The following ANKRD46 variants were observed in gnomAD, a reference collection of about 807,000 sequenced individuals.
The protein encoded by ANKRD46 is ankyrin repeat domain-containing protein 46.
Under a neutral mutation model 19.8 loss-of-function variants are expected in ANKRD46, and 13 were observed. The ratio of observed to expected loss-of-function variants is 0.66; its 90% confidence interval spans 0.43 to 1.04. The LOEUF (loss-of-function observed/expected upper bound fraction) is 1.04. Among genes scored for constraint, ANKRD46 ranks in the 50% least tolerant of loss-of-function variants. The pLI is 0.00. For missense variants in ANKRD46, 185 were observed against 274.8 expected, an observed-to-expected ratio of 0.67 and a Z score of 2.31; for synonymous variants, 91 against 106.9, an observed-to-expected ratio of 0.85 and a Z score of 0.92.
rs1320061375 is a variant in ANKRD46, at chr8:100,534,828, G to A, written c.-130-1517C>T. Among the ~76,000 whole-genome samples, 1 of 152,148 alleles carries A rather than the reference G, an allele frequency of 6.6e-6. No homozygotes were observed. The highest frequency in any genetic ancestry group is 1.5e-5 in the Non-Finnish European group (1 of 68,030). On this transcript the variant is annotated intron_variant, in intron 1 of 4. Coordinates refer to ENST00000335659, the MANE Select transcript of ANKRD46 (RefSeq NM_001270377.2). The surrounding 1 kb of genome is among the most constrained non-coding windows in gnomAD (Gnocchi z 4.2). Reference sequence around the variant, plus strand: ...TCTGTCGCTGGTGCCGGAGTGCAGTGGTGCAATCTCGACTCACCTGCAGAG... The same window carrying A: ...TCTGTCGCTGGTGCCGGAGTGCAGTAGTGCAATCTCGACTCACCTGCAGAG...
downstream of ANKRD46, among the ~76,000 whole-genome samples, chr8:100,515,874 G>T (rs372920703): frequency 0.063 from 8,754 of 139,656 alleles, 399 homozygotes; most frequent in East Asian, 0.15. Flanking sequence ...ACTTGTTTTT[G>T]TTTTTTTTTT....
rs1369319340 is a variant in ANKRD46 at position 100,522,239 on chromosome 8, C to T, written c.*316G>A. ...CTATATTAGGATAAGGTTTTGATAGCAAGGACTTCCTAGCTTCTTCCTTTA... is the reference window on the plus strand; with the variant it reads ...CTATATTAGGATAAGGTTTTGATAGTAAGGACTTCCTAGCTTCTTCCTTTA... On this transcript the variant is annotated 3_prime_UTR_variant, in exon 5 of 5. Transcript: ENST00000335659. The T allele has an allele frequency of 4.5e-6, 5 of 1,112,764 alleles. No individual in the cohort carries two copies. The African/African-American group carries it at 8.0e-5, about 18-fold the overall frequency. 68.9% of individuals were successfully genotyped at this position (1,112,764 alleles called of 1,614,324 possible).
chr8:100,541,503 G>A (rs1419942645), intron 1 of ANKRD46, among the ~76,000 whole-genome samples: 1 of 152,184 alleles, frequency 6.6e-6, no homozygotes, highest in Non-Finnish European at 1.5e-5. Flanking sequence ...GAACAACACA[G>A]AGTGTCCTCA....
rs761275944 is a variant in ANKRD46 at position 100,521,287 on chromosome 8, C to T, written c.*1268G>A. 25 of 985,164 alleles carry T rather than the reference C, an allele frequency of 2.5e-5. 1 individual carries two copies. The highest frequency in any genetic ancestry group is 5.2e-4 in the Middle Eastern group (1 of 1,936). The allele number at this position is 985,164 out of a possible 1,614,324, so 61.0% of individuals were successfully genotyped here. On this transcript the variant is annotated 3_prime_UTR_variant, in exon 5 of 5. Coordinates refer to ENST00000335659, the MANE Select transcript of ANKRD46 (RefSeq NM_001270377.2). ...AATTCAATTAGCAATAGCTTAGGTG[C>T]CTTTATTCCAAAAAACAAAACCATT...
At chr8:100,518,126 G>C (rs1330445713), downstream of ANKRD46, among the ~76,000 whole-genome samples, 1 of 152,174 alleles carries the variant, frequency 6.6e-6, no homozygotes, top group African/African-American at 2.4e-5. Context: ...GGAAGGCGGA[G>C]GTTGTAGTGA....
In ANKRD46 at chr8:100,524,425, A is replaced by T. The variant is rs1811794114; in HGVS notation, c.471-1654T>A. Among the ~76,000 whole-genome samples the T allele has an allele frequency of 6.6e-6, 1 of 152,146 alleles. No individual in the cohort carries two copies. The highest frequency in any genetic ancestry group is 1.5e-5 in the Non-Finnish European group (1 of 68,022). On this transcript the variant is annotated intron_variant, in intron 4 of 4. Coordinates refer to ENST00000335659, the MANE Select transcript of ANKRD46 (RefSeq NM_001270377.2). The surrounding 1 kb of genome is among the most constrained non-coding windows in gnomAD (Gnocchi z 4.3). The stretch of plus-strand genomic sequence containing the variant: ...TGATACCATCAAACAAAAGTCCTTC[A>T]GCCTTTACCAACATTAGAGGTCTTC...
At position 100,521,204 on chromosome 8, in the gene ANKRD46, A is replaced by G. The variant is rs918774345; in HGVS notation, c.*1351T>C. The G allele has an allele frequency of 1.0e-6, 1 of 985,254 alleles. No homozygotes were observed. Among genetic ancestry groups the G allele is most frequent in the Non-Finnish European group, 1.2e-6 (1 of 829,902 alleles). 61.0% of individuals were successfully genotyped at this position (985,254 alleles called of 1,614,324 possible). Reference sequence around the variant, plus strand: ...GATACAAGAGAAAATACCAAGAAGCAAAAAGAATCACAGAAATACCAATTC... The same window carrying G: ...GATACAAGAGAAAATACCAAGAAGCGAAAAGAATCACAGAAATACCAATTC... On this transcript the variant is annotated 3_prime_UTR_variant, in exon 5 of 5. Transcript: ENST00000335659.
At chr8:100,513,538 T>C (rs1230245379) in intron 5 of ANKRD46, among the ~76,000 whole-genome samples, 1 of 152,200 alleles carries the variant, frequency 6.6e-6, no homozygotes, top group Non-Finnish European at 1.5e-5. Context: ...AAGTTGGGAT[T>C]TGTTGGCTCC....
At chr8:100,538,631 G>A (rs1412572369) in intron 1 of ANKRD46, among the ~76,000 whole-genome samples, 1 of 152,078 alleles carries the variant, frequency 6.6e-6, no homozygotes, top group Non-Finnish European at 1.5e-5. Flanking sequence ...TCTTCAAACA[G>A]AATTACAGGC....
At chr8:100,553,220 T>C (rs1010513665) in intron 1 of ANKRD46, among the ~76,000 whole-genome samples, 3 of 152,220 alleles carry the variant, frequency 2.0e-5, no homozygotes, top group African/African-American at 7.2e-5. Flanking sequence ...GGAAAACTTT[T>C]ATAAGCAATC....
intron 1 of ANKRD46, among the ~76,000 whole-genome samples, chr8:100,549,980 T>G (rs186606602): frequency 6.6e-6 from 1 of 152,202 alleles, no homozygotes. Context: ...TAATACGTGT[T>G]TTCTGTATCT....
At chr8:100,522,892 CACACACACACACAT>C (rs1462122128) in intron 4 of ANKRD46, 121 bp from the exon 5 acceptor site, 2 of 572,806 alleles carry the variant, frequency 3.5e-6, no homozygotes, top group African/African-American at 2.8e-5. Flanking sequence ...CACACACACA[CACACACACACACAT>C]ATATATATAT....
At chr8:100,518,700 A>G (rs6996671), downstream of ANKRD46, among the ~76,000 whole-genome samples, 1 of 151,710 alleles carries the variant, frequency 6.6e-6, no homozygotes, top group South Asian at 2.1e-4. Context: ...AAAATACAAA[A>G]AATTAGCTGG....
downstream of ANKRD46, among the ~76,000 whole-genome samples, chr8:100,516,030 GCC>G (rs1811626085): frequency 6.6e-6 from 1 of 152,104 alleles, no homozygotes; most frequent in South Asian, 2.1e-4. Context: ...GCGCCACCAT[GCC>G]CAGCTAATTT....
rs1413563789 is a variant in ANKRD46, at chr8:100,521,412, A to G, written c.*1143T>C. On this transcript the variant is annotated 3_prime_UTR_variant, in exon 5 of 5. Transcript: ENST00000335659. ...AAGAACATAATTCATACATTACAGA[A>G]TCATTAACAAAAGAGGCCTTCAAAC... The G allele has an allele frequency of 1.0e-6, 1 of 985,314 alleles. No individual in the cohort carries two copies. The highest frequency in any genetic ancestry group is 1.7e-5 in the African/African-American group (1 of 57,242). The allele number at this position is 985,314 out of a possible 1,614,324, so 61.0% of individuals were successfully genotyped here.
intron 4 of ANKRD46, 27 bp from the exon 5 acceptor site, chr8:100,522,798 G>A (rs761348378): frequency 1.3e-6 from 2 of 1,569,768 alleles, no homozygotes; most frequent in East Asian, 2.3e-5. Context: ...AGCAAAAAGG[G>A]CATTAAAAAA....
rs36068309 is a variant in ANKRD46 at position 100,524,503 on chromosome 8, C to CTT, written c.471-1734_471-1733dup. On this transcript the variant is annotated intron_variant, in intron 4 of 4. Coordinates refer to ENST00000335659, the MANE Select transcript of ANKRD46 (RefSeq NM_001270377.2). The surrounding 1 kb of genome is among the most constrained non-coding windows in gnomAD (Gnocchi z 4.3). Reference sequence around the variant, plus strand: ...TGGGCCAGTCTGCTTAACACCCAAACTTTTTTTTTTTTAATAATTAAAACA... The same window carrying CTT: ...TGGGCCAGTCTGCTTAACACCCAAACTTTTTTTTTTTTTTAATAATTAAAACA... 4.8e-3 allele frequency among the ~76,000 whole-genome samples: 706 copies of CTT among 148,542 alleles called. 4 individuals carry two copies. Among genetic ancestry groups the CTT allele is most frequent in the East Asian group, 0.028 (143 of 5,094 alleles).
Position 100,559,637 on chromosome 8 carries a change from G to C in ANKRD46, c.-131+74C>G, listed in dbSNP as rs942903123. On this transcript the variant is annotated intron_variant, in intron 1 of 4. Coordinates refer to ENST00000335659, the MANE Select transcript of ANKRD46 (RefSeq NM_001270377.2). The surrounding 1 kb of genome is among the most constrained non-coding windows in gnomAD (Gnocchi z 6.0). ...CCCGGCCAGGCCTACTGGACCTCCA[G>C]TGCTACAGGGACGGTGCAGGAGATA... 1 of 152,480 alleles carries C rather than the reference G, an allele frequency of 6.6e-6. No individual in the cohort carries two copies. The highest frequency in any genetic ancestry group is 1.5e-5 in the Non-Finnish European group (1 of 68,222). The allele number at this position is 152,480 out of a possible 1,614,324, so 9.4% of individuals were successfully genotyped here.
rs1812270426 is a variant in ANKRD46 at position 100,546,222 on chromosome 8, A to G, written c.-130-12911T>C. 6.6e-6 allele frequency among the ~76,000 whole-genome samples: 1 copy of G among 152,372 alleles called. No individual in the cohort carries two copies. The highest frequency in any genetic ancestry group is 1.5e-5 in the Non-Finnish European group (1 of 68,034). On this transcript the variant is annotated intron_variant, in intron 1 of 4. Coordinates refer to ENST00000335659, the MANE Select transcript of ANKRD46 (RefSeq NM_001270377.2). This position sits in a 1 kb window ranked among gnomAD's most constrained non-coding sequence, Gnocchi z 4.0. ...AAAATGGGAAAAATTTCCCCAAGGC[A>G]TGTCAGAGATCTTCATGGCAGCCCC...
Sources: allele counts gnomAD v4.1 joint callset (sites outside exome capture counted in the v4.1 genomes callset), GRCh38; gene constraint gnomAD v4.1.1; non-coding constraint Gnocchi (gnomAD v3.1); transcripts MANE v1.5; gene names NCBI Gene and HGNC (gene_info 2026-07-23, HGNC 2026-07-21).